Variants in EPB41L1 observed in about 807,000 individuals in gnomAD.
EPB41L1 encodes the protein erythrocyte membrane protein band 4.1 like 1.
A neutral mutation model predicts 97.8 loss-of-function variants in EPB41L1; 29 were observed. The observed-to-expected ratio is 0.30, with a 90% confidence interval of 0.22 to 0.40. EPB41L1 has a LOEUF of 0.40. EPB41L1 is among the 10% of genes least tolerant of loss of function. EPB41L1 has a pLI of 1.00. For missense variants in EPB41L1, 812 were observed against 1,162.3 expected (o/e 0.70, Z 4.38); for synonymous variants, 383 against 459.2 (o/e 0.83, Z 2.12).
At chr20:36,165,096 C>T (rs1237218143) in intron 1 of EPB41L1, among the ~76,000 whole-genome samples, 1 of 152,122 alleles carries the variant, frequency 6.6e-6, no homozygotes, top group African/African-American at 2.4e-5. Context: ...ATTCTTCTGC[C>T]TCAGCCTCCC....
intron 1 of EPB41L1, among the ~76,000 whole-genome samples, chr20:36,158,308 G>A (rs922979301): frequency 7.9e-5 from 12 of 152,206 alleles, no homozygotes; most frequent in African/African-American, 2.4e-4. Context: ...CTAGCTGGGA[G>A]AGATGCAGAC....
At chr20:36,197,758 G>C in intron 13 of EPB41L1, 101 bp from the exon 14 acceptor site, 1 of 1,606,532 alleles carries the variant, frequency 6.2e-7, no homozygotes, top group Non-Finnish European at 8.5e-7. Context: ...TAACGTTGCT[G>C]GTGGAGGGTG....
At position 36,219,811 on chromosome 20, in the gene EPB41L1, C is replaced by T; in HGVS notation, c.2406C>T (p.Thr802=). 1.2e-5 allele frequency: 20 copies of T among 1,614,212 alleles called. No individual in the cohort carries two copies. Among genetic ancestry groups the T allele is most frequent in the Non-Finnish European group, 1.5e-5 (18 of 1,180,036 alleles). Residue 802 remains threonine, a synonymous_variant, in exon 19 of 22, where the codon ACC becomes ACT. Coordinates refer to ENST00000338074, the MANE Select transcript of EPB41L1 (RefSeq NM_012156.2). ...LTSTYGATAE[T]LSTSTTTHVT... is the part of the protein sequence containing the mutation. The stretch of plus-strand genomic sequence containing the variant: ...GCACCTACGGCGCCACTGCGGAAAC[C>T]CTCTCAACCTCCACCACCACCCATG...
chr20:36,148,228 C>G (rs1331731656), intron 2 of EPB41L1, among the ~76,000 whole-genome samples: 1 of 152,136 alleles, frequency 6.6e-6, no homozygotes, highest in African/African-American at 2.4e-5. Context: ...TATCCTAAAG[C>G]TCATAGTGCA....
chr20:36,098,356 T>G (rs2057901703), intron 1 of EPB41L1, among the ~76,000 whole-genome samples: 1 of 152,192 alleles, frequency 6.6e-6, no homozygotes, highest in Admixed American at 6.5e-5. Context: ...GCAAACCAGG[T>G]AGCTTTGAAC....
chr20:36,121,493 T>A (rs751147079), intron 2 of EPB41L1, among the ~76,000 whole-genome samples: 6 of 152,178 alleles, frequency 3.9e-5, no homozygotes, highest in Non-Finnish European at 7.4e-5. Context: ...TTAGGCTGGT[T>A]CTTGCCTCTC....
chr20:36,227,591 T>C (rs1484984435), intron 21 of EPB41L1, among the ~76,000 whole-genome samples: 4 of 152,188 alleles, frequency 2.6e-5, no homozygotes, highest in Non-Finnish European at 5.9e-5. Context: ...TAGAGGTTGA[T>C]GAGAGTACTG....
chr20:36,104,958 C>T (rs931564017), intron 1 of EPB41L1, among the ~76,000 whole-genome samples: 7 of 152,052 alleles, frequency 4.6e-5, no homozygotes, highest in Non-Finnish European at 7.4e-5. Context: ...GACAAGCAAA[C>T]GTTAAGCTGG....
intron 11 of EPB41L1, among the ~76,000 whole-genome samples, chr20:36,192,903 G>T (rs1412774756): frequency 6.6e-6 from 1 of 152,202 alleles, no homozygotes; most frequent in Non-Finnish European, 1.5e-5. Flanking sequence ...CTAGGAGTTT[G>T]CCAGGTGATT....
In EPB41L1 at chr20:36,093,469, G is replaced by T. The variant is rs950900380; in HGVS notation, c.-65+1857G>T. ...GCCGGGAGGAAGCGGTGGGGGCGGC[G>T]GTCCAGGCGCCGCCGCCGCTGGGAG... is the stretch of plus-strand genomic sequence containing the variant. On this transcript the variant is annotated intron_variant, in intron 1 of 19. Coordinates refer to the EPB41L1 transcript ENST00000202028. The surrounding 1 kb of genome is among the most constrained non-coding windows in gnomAD (Gnocchi z 5.4). 1.3e-5 allele frequency among the ~76,000 whole-genome samples: 2 copies of T among 151,902 alleles called. No individual in the cohort carries two copies. Among genetic ancestry groups the T allele is most frequent in the Non-Finnish European group, 2.9e-5 (2 of 67,928 alleles).
chr20:36,185,407 C>A, intron 7 of EPB41L1, 72 bp downstream of exon 7: 1 of 1,407,358 alleles, frequency 7.1e-7, no homozygotes, highest in Non-Finnish European at 9.8e-7. Flanking sequence ...GCCTGAATGT[C>A]CTAGGCCGCC....
chr20:36,227,791 G>A (rs1435560043), intron 21 of EPB41L1, among the ~76,000 whole-genome samples: 1 of 152,164 alleles, frequency 6.6e-6, no homozygotes, highest in Non-Finnish European at 1.5e-5. Context: ...TATGAGCGTG[G>A]AAAGTCACTC....
intron 2 of EPB41L1, among the ~76,000 whole-genome samples, chr20:36,133,855 C>CAA (rs57803389): frequency 0.013 from 1,012 of 75,850 alleles, 10 homozygotes; most frequent in African/African-American, 0.043. Context: ...GAGACCCTGT[C>CAA]AAAAAAAAAA....
At position 36,230,179 on chromosome 20, in the gene EPB41L1, A is replaced by G. The variant is rs952898469; in HGVS notation, c.*839A>G. 6.5e-6 allele frequency: 1 copy of G among 152,696 alleles called. No homozygotes were observed. The highest frequency in any genetic ancestry group is 1.5e-5 in the Non-Finnish European group (1 of 68,116). The allele number at this position is 152,696 out of a possible 1,614,324, so 9.5% of individuals were successfully genotyped here. A position where few individuals can be genotyped will look rare whatever the true frequency, so the allele number is the denominator to read the frequency against. On this transcript the variant is annotated 3_prime_UTR_variant, in exon 22 of 22. Coordinates refer to ENST00000338074, the MANE Select transcript of EPB41L1 (RefSeq NM_012156.2). ...GAAAAAGAAAAGAAAGCAAGAACAGAAAACGAAGCCACAGGAAGGGAAGTA... is the reference window on the plus strand; with the variant it reads ...GAAAAAGAAAAGAAAGCAAGAACAGGAAACGAAGCCACAGGAAGGGAAGTA...
At chr20:36,181,533 A>G (rs1167097404) in intron 5 of EPB41L1, among the ~76,000 whole-genome samples, 1 of 152,154 alleles carries the variant, frequency 6.6e-6, no homozygotes, top group Non-Finnish European at 1.5e-5. Context: ...TTATAATCCA[A>G]TCCTGTCTTC....
At chr20:36,198,700 C>T (rs773760813) in intron 14 of EPB41L1, among the ~76,000 whole-genome samples, 1 of 152,242 alleles carries the variant, frequency 6.6e-6, no homozygotes, top group Non-Finnish European at 1.5e-5. Flanking sequence ...TTTAGACTCT[C>T]AAGTCAGTAT....
Position 36,197,784 on chromosome 20 carries a change from G to C in EPB41L1, c.1486-75G>C, listed in dbSNP as rs984625844. ...GTGGAGGGTGGTGATGGTGACTGCT[G>C]CCATCATCCCTGCACCCTGCATCCC... is the stretch of plus-strand genomic sequence containing the variant. On this transcript the variant is annotated intron_variant, in intron 13 of 21. Transcript: ENST00000338074. 3 of 1,612,842 alleles carry C rather than the reference G, an allele frequency of 1.9e-6. No homozygotes were observed. In the Admixed American group the frequency reaches 5.0e-5, roughly 27 times the overall value.
chr20:36,104,662 C>T (rs936150907), intron 1 of EPB41L1, among the ~76,000 whole-genome samples: 3 of 151,998 alleles, frequency 2.0e-5, no homozygotes, highest in African/African-American at 7.3e-5. Context: ...TTTATCTGGC[C>T]AAGATTGGGA....
intron 14 of EPB41L1, among the ~76,000 whole-genome samples, chr20:36,201,991 G>A (rs995354906): frequency 1.3e-5 from 2 of 152,212 alleles, no homozygotes; most frequent in African/African-American, 4.8e-5. Context: ...CTACATAAGT[G>A]ATAAAACATA....
Sources: allele counts gnomAD v4.1 joint callset (sites outside exome capture counted in the v4.1 genomes callset), GRCh38; gene constraint gnomAD v4.1.1; non-coding constraint Gnocchi (gnomAD v3.1); transcripts MANE v1.5; gene names NCBI Gene and HGNC (gene_info 2026-07-23, HGNC 2026-07-21).